Variants in SMARCA2 observed in about 807,000 individuals in gnomAD.
SMARCA2 encodes the protein SWI/SNF related BAF chromatin remodeling complex subunit ATPase 2.
A neutral mutation model predicts 199.8 loss-of-function variants in SMARCA2; 61 were observed. The observed-to-expected ratio is 0.31, with a 90% confidence interval of 0.25 to 0.38. The LOEUF (loss-of-function observed/expected upper bound fraction) is 0.38. Among genes scored for constraint, SMARCA2 ranks in the 10% least tolerant of loss-of-function variants. The pLI, the probability that SMARCA2 is intolerant of heterozygous loss-of-function variation, is 1.00. For synonymous variants in SMARCA2, 935 were observed against 732.0 expected (o/e 1.28, Z -4.48); for missense variants, 1,344 against 2,012.2 (o/e 0.67, Z 6.35).
At chr9:2,132,415 TC>T (rs1226661475) in intron 27 of SMARCA2, among the ~76,000 whole-genome samples, 1 of 152,156 alleles carries the variant, frequency 6.6e-6, no homozygotes, top group East Asian at 1.9e-4. Flanking sequence ...GATGTACTTT[TC>T]CCCTAAAATA....
intron 21 of SMARCA2, among the ~76,000 whole-genome samples, chr9:2,100,351 G>C (rs1822456567): frequency 6.6e-6 from 1 of 152,164 alleles, no homozygotes; most frequent in African/African-American, 2.4e-5. Context: ...GAGGGGTGCT[G>C]TACATCTAGG....
At chr9:2,096,865 G>A (rs374249519) in intron 20 of SMARCA2, 101 bp downstream of exon 20, 4 of 775,190 alleles carry the variant, frequency 5.2e-6, no homozygotes, top group African/African-American at 1.7e-5. Context: ...ATGCTGATTT[G>A]TTAAAGTAAA....
At chr9:2,176,185 T>TTTTTTTTTTTTTTTG (rs1197149979) in intron 29 of SMARCA2, among the ~76,000 whole-genome samples, 9 of 117,558 alleles carry the variant, frequency 7.7e-5, no homozygotes, top group African/African-American at 3.7e-4. Context: ...CCGGCCTGTT[T>TTTTTTTTTTTTTTTG]TTTTTTTTTT....
At chr9:2,055,369 G>T (rs1364321107) in intron 6 of SMARCA2, among the ~76,000 whole-genome samples, 2 of 152,232 alleles carry the variant, frequency 1.3e-5, no homozygotes, top group African/African-American at 4.8e-5. Context: ...CAAGTGGAAT[G>T]AGTTAGAGCT....
chr9:2,191,310 A>C lies in SMARCA2; in HGVS notation c.4639A>C (p.Lys1547Gln). 1.2e-6 allele frequency: 2 copies of C among 1,614,142 alleles called. No homozygotes were observed. Among genetic ancestry groups the C allele is most frequent in the Non-Finnish European group, 1.7e-6 (2 of 1,179,968 alleles). The change falls in exon 33 of 34, where the codon AAA becomes CAA. Residue 1547 changes from lysine (K) to glutamine (Q), a missense_variant. Physicochemically the swap from Lys to Gln is moderately conservative, Grantham distance 53. This residue lies in a region of SMARCA2 where 155 missense variants were observed against 121.1 expected (regional missense o/e 1.28). Coordinates refer to ENST00000349721, the MANE Select transcript of SMARCA2 (RefSeq NM_003070.5). The stretch of plus-strand genomic sequence containing the variant: ...AATTAAGCTCAATAAAAAAGATGAC[A>C]AAGGCCGGGACAAAGGGAAAGGCAA... ...VKIKLNKKDD[K>Q]GRDKGKGKKR...
In SMARCA2 at chr9:2,176,182, G is replaced by GTTTTTTTTTTTT. The variant is rs56186732; in HGVS notation, c.4254-5379_4254-5368dup. Among the ~76,000 whole-genome samples the GTTTTTTTTTTTT allele has an allele frequency of 5.5e-3, 575 of 103,946 alleles. 14 individuals carry two copies. The highest frequency in any genetic ancestry group is 0.019 in the Middle Eastern group (3 of 160). 68.2% of individuals were successfully genotyped at this position (103,946 alleles called of 152,430 possible). A position where few individuals can be genotyped will look rare whatever the true frequency, so the allele number is the denominator to read the frequency against. On this transcript the variant is annotated intron_variant, in intron 29 of 33. Coordinates refer to ENST00000349721, the MANE Select transcript of SMARCA2 (RefSeq NM_003070.5). ...AGGCATGAGCCACCGCGCCCGGCCT[G>GTTTTTTTTTTTT]TTTTTTTTTTTTTTTTTTTTTATAA...
chr9:2,086,865 C>A lies in SMARCA2; in HGVS notation c.2563C>A (p.Arg855=). The stretch of plus-strand genomic sequence containing the variant: ...ATACATGATAGTGGACGAAGGCCAC[C>A]GAATGAAGAATCACCACTGCAAGCT... ...WKYMIVDEGH[R]MKNHHCKLTQ... is the part of the protein sequence containing the mutation. The change falls in exon 18 of 34, where the codon CGA becomes AGA. Residue 855 remains arginine (R), a synonymous_variant. Coordinates refer to ENST00000349721, the MANE Select transcript of SMARCA2 (RefSeq NM_003070.5). This position sits in a 1 kb window ranked among gnomAD's most constrained non-coding sequence, Gnocchi z 4.3. The A allele has an allele frequency of 6.2e-7, 1 of 1,614,036 alleles. No individual in the cohort carries two copies. The highest frequency in any genetic ancestry group is 8.5e-7 in the Non-Finnish European group (1 of 1,179,982).
rs768487904 is a variant in SMARCA2 at position 2,116,069 on chromosome 9, G to C, written c.3684+20G>C. Reference sequence around the variant, plus strand: ...AATGAGGTATTAGAGAAAACCCCAAGTTTATGAAATCAAACAGTGGCCTTT... The same window carrying C: ...AATGAGGTATTAGAGAAAACCCCAACTTTATGAAATCAAACAGTGGCCTTT... On this transcript the variant is annotated intron_variant, in intron 25 of 33. Coordinates refer to ENST00000349721, the MANE Select transcript of SMARCA2 (RefSeq NM_003070.5). 54 of 1,561,550 alleles carry C rather than the reference G, an allele frequency of 3.5e-5. No individual in the cohort carries two copies. The South Asian group carries it at 5.2e-4, about 15-fold the overall frequency.
chr9:2,141,994 G>A (rs762561449), intron 27 of SMARCA2, among the ~76,000 whole-genome samples: 1 of 152,150 alleles, frequency 6.6e-6, no homozygotes, highest in Admixed American at 6.5e-5. Flanking sequence ...GCCCGTGAAG[G>A]CTGTTAACCT....
intron 29 of SMARCA2, among the ~76,000 whole-genome samples, chr9:2,173,325 G>A (rs1159721405): frequency 6.6e-6 from 1 of 152,136 alleles, no homozygotes; most frequent in Non-Finnish European, 1.5e-5. Context: ...GCTCTTTCAG[G>A]ACCAGCCAAC....
rs1401196272 is a variant in SMARCA2, at chr9:2,054,656, C to T, written c.1106C>T (p.Pro369Leu). 1.9e-6 allele frequency: 3 copies of T among 1,613,946 alleles called. No individual in the cohort carries two copies. The highest frequency in any genetic ancestry group is 2.7e-5 in the African/African-American group (2 of 74,914). The change falls in exon 6 of 34, where the codon CCA (proline) becomes CTA (leucine). Residue 369 changes from proline to leucine, a missense_variant. Coordinates refer to ENST00000349721, the MANE Select transcript of SMARCA2 (RefSeq NM_003070.5). ...QELENLPGSL[P>L]PDLRTKATVE... ...CTGGAAAATCTGCCTGGCTCTTTGC[C>T]ACCAGATTTAAGAACCAAAGCAACC... is the stretch of plus-strand genomic sequence containing the variant.
Position 2,186,088 on chromosome 9 carries a change from C to A in SMARCA2, c.4462-8C>A. The stretch of plus-strand genomic sequence containing the variant: ...GCAGTTTTAACAGATGCCCCTTTGA[C>A]CATTTAGATCTATGAAGACTCCATC... On this transcript the variant is annotated splice_region_variant and splice_polypyrimidine_tract_variant and intron_variant, in intron 31 of 33. Transcript: ENST00000349721. 1 of 1,612,814 alleles carries A rather than the reference C, an allele frequency of 6.2e-7. No individual in the cohort carries two copies. The highest frequency in any genetic ancestry group is 1.3e-5 in the African/African-American group (1 of 74,974).
intron 14 of SMARCA2, chr9:2,080,097 T>C (rs1821501607): frequency 6.6e-6 from 1 of 152,294 alleles, no homozygotes; most frequent in South Asian, 2.1e-4. Flanking sequence ...CCTTCCCTGA[T>C]CATTTCTCAT....
At chr9:2,156,734 T>C (rs11999942) in intron 27 of SMARCA2, among the ~76,000 whole-genome samples, 8,739 of 152,154 alleles carry the variant, frequency 0.057, 818 homozygotes, top group African/African-American at 0.2. Context: ...CCTGGCCCAT[T>C]GTAGCCATTT....
intron 12 of SMARCA2, among the ~76,000 whole-genome samples, chr9:2,074,264 T>TA (rs35739013): frequency 0.23 from 34,363 of 152,066 alleles, 4,059 homozygotes; most frequent in East Asian, 0.3. Context: ...AAATATTTGT[T>TA]AAATCAGCCA....
At chr9:2,093,105 G>A (rs187746223) in intron 19 of SMARCA2, among the ~76,000 whole-genome samples, 1 of 152,328 alleles carries the variant, frequency 6.6e-6, no homozygotes, top group East Asian at 1.9e-4. Flanking sequence ...GAGGCATGGT[G>A]TGAGAAGTCA....
intron 27 of SMARCA2, among the ~76,000 whole-genome samples, chr9:2,142,731 G>C (rs887960215): frequency 5.3e-5 from 8 of 152,190 alleles, no homozygotes; most frequent in African/African-American, 1.7e-4. Flanking sequence ...TGAGAACAAA[G>C]ATCTTCATTT....
intron 27 of SMARCA2, among the ~76,000 whole-genome samples, chr9:2,145,342 C>G (rs1381726258): frequency 1.3e-5 from 2 of 150,164 alleles, no homozygotes; most frequent in African/African-American, 4.9e-5. Context: ...GAGAGAAACC[C>G]AAACACTATA....
At chr9:2,077,896 T>A in intron 14 of SMARCA2, 120 bp downstream of exon 14, 1 of 832,712 alleles carries the variant, frequency 1.2e-6, no homozygotes, top group Non-Finnish European at 1.9e-6. Context: ...ACATCACTTA[T>A]AATACTGAGG....
Sources: gnomAD v4.1 joint callset for allele counts (sites outside exome capture counted in the v4.1 genomes callset) on GRCh38, gnomAD v4.1.1 for gene constraint, gnomAD v4.1.1 regional missense constraint, Gnocchi (gnomAD v3.1) non-coding constraint, MANE v1.5 for transcripts, NCBI Gene and HGNC (gene_info 2026-07-23, HGNC 2026-07-21) for gene names.